The following KDM6A variants were observed in gnomAD, a reference collection of about 807,000 sequenced individuals.
KDM6A encodes the protein lysine demethylase 6A, also known as lysine-specific demethylase 6A.
Under a neutral mutation model 117.6 loss-of-function variants are expected in KDM6A, and 11 were observed. That is an observed-to-expected ratio of 0.09 (90% CI 0.06 to 0.15). The LOEUF is 0.15. Among genes scored for constraint, KDM6A ranks in the 10% least tolerant of loss-of-function variants. The probability of loss-of-function intolerance (pLI) is 1.00; values close to 1 mark genes in which losing one functional copy is unlikely to be tolerated. For synonymous variants in KDM6A, 384 were observed against 396.1 expected (o/e 0.97, Z 0.36); for missense variants, 799 against 1,077.3 (o/e 0.74, Z 3.62).
chrX:44,936,898 A>T (rs1240824922), intron 2 of KDM6A, among the ~76,000 whole-genome samples: 1 of 111,796 alleles, frequency 8.9e-6, no homozygotes, highest in Non-Finnish European at 1.9e-5. Context: ...AGGATTAGGG[A>T]TGCTTAGCCT....
chrX:44,976,324 G>A (rs1417078812), intron 4 of KDM6A, among the ~76,000 whole-genome samples: 1 of 111,138 alleles, frequency 9.0e-6, no homozygotes, highest in Non-Finnish European at 1.9e-5. Context: ...CTTAGCATAT[G>A]TTTTCAAGGT....
intron 2 of KDM6A, among the ~76,000 whole-genome samples, chrX:44,884,782 C>T (rs997311374): frequency 3.6e-5 from 4 of 111,663 alleles, no homozygotes; most frequent in African/African-American, 1.3e-4. Context: ...ACATCTCAGT[C>T]TTTGCAAGGA....
At chrX:44,874,825 A>G (rs2031316880) in intron 2 of KDM6A, among the ~76,000 whole-genome samples, 1 of 111,043 alleles carries the variant, frequency 9.0e-6, no homozygotes, top group Non-Finnish European at 1.9e-5. Context: ...ATGGAAATAA[A>G]TAGTAGCCGT....
chrX:44,891,514 C>T (rs1311843357), intron 2 of KDM6A, among the ~76,000 whole-genome samples: 1 of 112,157 alleles, frequency 8.9e-6, no homozygotes, highest in Non-Finnish European at 1.9e-5. Flanking sequence ...ACCAGTATCA[C>T]ATTATCTTAA....
intron 2 of KDM6A, among the ~76,000 whole-genome samples, chrX:44,958,087 C>G (rs2038441893): frequency 9.0e-6 from 1 of 111,435 alleles, no homozygotes; most frequent in Non-Finnish European, 1.9e-5. Flanking sequence ...ATTGCTGATG[C>G]AACCACAAAT....
chrX:45,096,531 C>T (rs941885018), intron 27 of KDM6A, among the ~76,000 whole-genome samples: 5 of 111,601 alleles, frequency 4.5e-5, no homozygotes, highest in Non-Finnish European at 9.4e-5. Flanking sequence ...AAGGTTCTTC[C>T]GAAAGAGTGG....
intron 25 of KDM6A, among the ~76,000 whole-genome samples, chrX:45,086,493 C>T (rs926833668): frequency 1.8e-5 from 2 of 111,285 alleles, no homozygotes; most frequent in African/African-American, 6.5e-5. Context: ...GATGGGGTTT[C>T]ACCATGTTGC....
At chrX:45,085,248 T>C (rs1242153980) in intron 24 of KDM6A, among the ~76,000 whole-genome samples, 2 of 112,001 alleles carry the variant, frequency 1.8e-5, no homozygotes, top group East Asian at 5.6e-4. Flanking sequence ...ATGGTAATGA[T>C]ATCTATAATA....
chrX:45,022,905 C>T (rs2042227961), intron 6 of KDM6A, among the ~76,000 whole-genome samples: 1 of 112,101 alleles, frequency 8.9e-6, no homozygotes, highest in African/African-American at 3.2e-5. Context: ...CTTCTCAGTT[C>T]TGTATTGGCT....
chrX:44,896,973 G>T (rs1359463604), intron 2 of KDM6A, among the ~76,000 whole-genome samples: 3 of 109,776 alleles, frequency 2.7e-5, no homozygotes, highest in Admixed American at 9.7e-5. Context: ...TTTATTTGGG[G>T]TTTACTCACC....
chrX:44,910,891 C>T (rs2035063888), intron 2 of KDM6A, among the ~76,000 whole-genome samples: 1 of 112,390 alleles, frequency 8.9e-6, no homozygotes, highest in African/African-American at 3.2e-5. Flanking sequence ...TCTCCTATGT[C>T]TACTTCTTTG....
chrX:44,971,976 G>A (rs1018118688), intron 3 of KDM6A, among the ~76,000 whole-genome samples: 1 of 109,885 alleles, frequency 9.1e-6, no homozygotes, highest in Non-Finnish European at 1.9e-5. Flanking sequence ...GGGTTGCAGG[G>A]CGTTAAGGCA....
intron 4 of KDM6A, among the ~76,000 whole-genome samples, chrX:44,982,912 A>G: frequency 8.9e-6 from 1 of 112,035 alleles, no homozygotes; most frequent in Admixed American, 9.5e-5. Context: ...GAATTCAGAA[A>G]TATATTCAGT....
Position 44,873,358 on chromosome X carries a change from T to G in KDM6A, c.-194T>G, listed in dbSNP as rs745694052. The G allele has an allele frequency of 0.02, 10,621 of 518,410 alleles. 110 individuals carry two copies. Among genetic ancestry groups the G allele is most frequent in the Non-Finnish European group, 0.025 (8,418 of 341,622 alleles). 42.7% of individuals were successfully genotyped at this position (518,410 alleles called of 1,213,427 possible). A position where few individuals can be genotyped will look rare whatever the true frequency, so the allele number is the denominator to read the frequency against. Reference sequence around the variant, plus strand: ...AAGCCGCCGCTGCCGACCCGGGGGCTCCGCAGCCCCTGCCGCCGCCGCCGC... The same window carrying G: ...AAGCCGCCGCTGCCGACCCGGGGGCGCCGCAGCCCCTGCCGCCGCCGCCGC... On this transcript the variant is annotated 5_prime_UTR_variant, in exon 1 of 30. Transcript: ENST00000611820.
intron 2 of KDM6A, among the ~76,000 whole-genome samples, chrX:44,907,649 T>C (rs1035402684): frequency 3.7e-5 from 4 of 108,171 alleles, no homozygotes; most frequent in Admixed American, 1.0e-4. Context: ...GGTTTCACCA[T>C]GTTGATCAGG....
intron 27 of KDM6A, among the ~76,000 whole-genome samples, chrX:45,094,070 C>T (rs1471457039): frequency 9.0e-6 from 1 of 111,437 alleles, no homozygotes; most frequent in Non-Finnish European, 1.9e-5. Context: ...CTAGGCCTTG[C>T]TTTATAAGCC....
intron 9 of KDM6A, among the ~76,000 whole-genome samples, 169 bp downstream of exon 9, chrX:45,051,971 AGTCT>A (rs1371485445): frequency 9.0e-6 from 1 of 111,610 alleles, no homozygotes; most frequent in East Asian, 2.8e-4. Context: ...TCCTTCCCAC[AGTCT>A]GTCTCAGTGT....
chrX:45,091,993 G>A (rs972392547), intron 27 of KDM6A, among the ~76,000 whole-genome samples: 2 of 111,129 alleles, frequency 1.8e-5, no homozygotes, highest in Admixed American at 9.5e-5. Flanking sequence ...ATTTTACCTA[G>A]TTATAGGTAG....
At chrX:44,949,386 C>T (rs986409650) in intron 2 of KDM6A, among the ~76,000 whole-genome samples, 9 of 111,513 alleles carry the variant, frequency 8.1e-5, no homozygotes, top group Non-Finnish European at 1.7e-4. Flanking sequence ...CAAAGTGAGA[C>T]CTTTCAAAAG....
Sources: gnomAD v4.1 joint callset for allele counts (sites outside exome capture counted in the v4.1 genomes callset) on GRCh38, gnomAD v4.1.1 for gene constraint, MANE v1.5 for transcripts, NCBI Gene and HGNC (gene_info 2026-07-23, HGNC 2026-07-21) for gene names.